RERG: variants seen among roughly 807,000 people sequenced by gnomAD.
RERG encodes ras-related and estrogen-regulated growth inhibitor.
A neutral mutation model predicts 23.2 loss-of-function variants in RERG; 25 were observed. The observed-to-expected ratio is 1.08, with a 90% CI of 0.79 to 1.50. The LOEUF is 1.50. Ranked by LOEUF, RERG falls within the 40% of genes most tolerant of loss-of-function variation. The pLI is 0.00. For missense variants in RERG, 253 were observed against 250.1 expected (o/e 1.01, Z -0.08); for synonymous variants, 81 against 89.1 (o/e 0.91, Z 0.51).
intron 2 of RERG, 76 bp from the exon 3 acceptor site, chr12:15,121,195 G>C: frequency 9.4e-7 from 1 of 1,066,992 alleles, no homozygotes; most frequent in Non-Finnish European, 1.4e-6. Context: ...TAAGGAAAGC[G>C]AAATGCTCCA....
rs143692306 is a variant in RERG, at chr12:15,170,912, T to C, written c.61+46517A>G. On this transcript the variant is annotated intron_variant, in intron 2 of 4. Coordinates refer to ENST00000256953, the MANE Select transcript of RERG (RefSeq NM_032918.3). ...TACTTCCTCTTCTACTACATGACTG[T>C]GTGCATAAATAAAACTCTGCAGACA... Among the ~76,000 whole-genome samples the C allele has an allele frequency of 9.2e-5, 14 of 152,350 alleles. No individual in the cohort carries two copies. The East Asian group carries it at 2.7e-3, about 29-fold the overall frequency.
chr12:15,217,580 T>G lies in RERG; in HGVS notation c.-91A>C. On this transcript the variant is annotated 5_prime_UTR_variant, in exon 2 of 5. Coordinates refer to ENST00000256953, the MANE Select transcript of RERG (RefSeq NM_032918.3). The stretch of plus-strand genomic sequence containing the variant: ...AGTCTTTGGATTCACCATATCATTG[T>G]GAATCTTGGAAGAGTCCACAATCCT... 1.1e-6 allele frequency: 1 copy of G among 926,188 alleles called. No homozygotes were observed. Among genetic ancestry groups the G allele is most frequent in the Non-Finnish European group, 1.8e-6 (1 of 559,036 alleles). 57.4% of individuals were successfully genotyped at this position (926,188 alleles called of 1,614,324 possible).
At chr12:15,195,464 C>T (rs1865130057) in intron 2 of RERG, among the ~76,000 whole-genome samples, 1 of 152,020 alleles carries the variant, frequency 6.6e-6, no homozygotes, top group Admixed American at 6.6e-5. Context: ...GTGGCCTTCA[C>T]CCTATTCCAC....
At chr12:15,137,724 A>G (rs993364333) in intron 2 of RERG, 1 of 333,820 alleles carries the variant, frequency 3.0e-6, no homozygotes, top group Non-Finnish European at 5.8e-6. Flanking sequence ...CATTCATTCA[A>G]CTTATACATG....
At chr12:15,132,823 T>G (rs905342007) in intron 2 of RERG, among the ~76,000 whole-genome samples, 2 of 152,118 alleles carry the variant, frequency 1.3e-5, no homozygotes, top group African/African-American at 4.8e-5. Context: ...TTTCATGTGA[T>G]TATTTGCTAT....
intron 2 of RERG, among the ~76,000 whole-genome samples, chr12:15,198,904 A>G (rs1865180930): frequency 6.6e-6 from 1 of 152,176 alleles, no homozygotes; most frequent in African/African-American, 2.4e-5. Flanking sequence ...GGCTCACCCA[A>G]TAATCTAGGG....
intron 2 of RERG, among the ~76,000 whole-genome samples, chr12:15,180,445 C>T (rs1360682390): frequency 3.3e-5 from 5 of 152,060 alleles, no homozygotes; most frequent in African/African-American, 1.2e-4. Flanking sequence ...GAGCTACTGG[C>T]AATGGCTCTG....
At chr12:15,133,421 G>C (rs1046381974) in intron 2 of RERG, among the ~76,000 whole-genome samples, 3 of 151,912 alleles carry the variant, frequency 2.0e-5, no homozygotes, top group Non-Finnish European at 4.4e-5. Flanking sequence ...TGGCTTGAGA[G>C]CTCCTTTCTG....
chr12:15,142,200 A>G (rs7304760), intron 2 of RERG, among the ~76,000 whole-genome samples: 6,066 of 152,290 alleles, frequency 0.04, 443 homozygotes, highest in African/African-American at 0.14. Context: ...TTTATCTTTT[A>G]GCCTTAATAA....
chr12:15,213,521 T>C (rs976798943), intron 2 of RERG, among the ~76,000 whole-genome samples: 2 of 152,198 alleles, frequency 1.3e-5, no homozygotes, highest in Non-Finnish European at 2.9e-5. Context: ...CACTGTACTA[T>C]CCCTATGCCA....
At chr12:15,161,138 A>AAG (rs1864598711) in intron 2 of RERG, among the ~76,000 whole-genome samples, 2 of 41,580 alleles carry the variant, frequency 4.8e-5, no homozygotes, top group Admixed American at 2.6e-4. Context: ...CCATCTCAGA[A>AAG]AAAGAAAGAA....
intron 2 of RERG, 24 bp downstream of exon 2, chr12:15,217,400 CACTAT>C: frequency 6.6e-7 from 1 of 1,515,250 alleles, no homozygotes; most frequent in Middle Eastern, 1.7e-4. Flanking sequence ...CACACACACA[CACTAT>C]AACAACCACA....
Position 15,109,049 on chromosome 12 carries a change from T to C in RERG, c.*61A>G. The C allele has an allele frequency of 1.4e-6, 2 of 1,422,146 alleles. No homozygotes were observed. Among genetic ancestry groups the C allele is most frequent in the Non-Finnish European group, 1.9e-6 (2 of 1,058,708 alleles). 88.1% of individuals were successfully genotyped at this position (1,422,146 alleles called of 1,614,324 possible). ...AGAATGCAATATTTTGTTTTATTTT[T>C]GAAAGGGGAACAGAAGGGGAAGAGT... On this transcript the variant is annotated 3_prime_UTR_variant, in exon 5 of 5. Transcript: ENST00000256953.
At chr12:15,162,922 T>C (rs2136115124) in intron 2 of RERG, among the ~76,000 whole-genome samples, 1 of 152,354 alleles carries the variant, frequency 6.6e-6, no homozygotes, top group African/African-American at 2.4e-5. Context: ...GTTTATATTA[T>C]GAAGAGTTTC....
chr12:15,162,226 A>ACTCTGGTT (rs1368531516), intron 2 of RERG, among the ~76,000 whole-genome samples: 1 of 152,152 alleles, frequency 6.6e-6, no homozygotes, highest in African/African-American at 2.4e-5. Context: ...ATGGCAGACT[A>ACTCTGGTT]CTCTGGTTAT....
intron 2 of RERG, among the ~76,000 whole-genome samples, chr12:15,207,965 G>A (rs1377384068): frequency 2.6e-5 from 4 of 152,144 alleles, no homozygotes; most frequent in Non-Finnish European, 4.4e-5. Flanking sequence ...CTGGGCTATA[G>A]TATCCATTGA....
At chr12:15,180,487 G>A (rs1864908878) in intron 2 of RERG, among the ~76,000 whole-genome samples, 1 of 152,018 alleles carries the variant, frequency 6.6e-6, no homozygotes, top group African/African-American at 2.4e-5. Context: ...CTCTGTACAG[G>A]CCCCACAGCC....
At chr12:15,188,779 T>A (rs1865028306) in intron 2 of RERG, among the ~76,000 whole-genome samples, 2 of 152,164 alleles carry the variant, frequency 1.3e-5, no homozygotes, top group Admixed American at 6.6e-5. Flanking sequence ...GAAATTATAG[T>A]CCTTAGAGAT....
At chr12:15,184,159 A>G (rs941812049) in intron 2 of RERG, among the ~76,000 whole-genome samples, 42 of 152,210 alleles carry the variant, frequency 2.8e-4, no homozygotes, top group African/African-American at 9.4e-4. Context: ...CGTCTACACC[A>G]CTAGTCTCCA....
Sources: gnomAD v4.1 joint callset for allele counts (sites outside exome capture counted in the v4.1 genomes callset) on GRCh38, gnomAD v4.1.1 for gene constraint, MANE v1.5 for transcripts, NCBI Gene and HGNC (gene_info 2026-07-23, HGNC 2026-07-21) for gene names.